ESRRG: variants seen among roughly 807,000 people sequenced by gnomAD.
ESRRG encodes estrogen related receptor gamma.
Under a neutral mutation model 44.0 loss-of-function variants are expected in ESRRG, and 13 were observed. The ratio of observed to expected loss-of-function variants is 0.30; its 90% confidence interval spans 0.19 to 0.47. ESRRG has a LOEUF of 0.47. Ranked by LOEUF, ESRRG falls within the 20% of genes least tolerant of loss-of-function variation. The pLI is 1.00. For synonymous variants in ESRRG, 215 were observed against 214.6 expected (o/e 1.00, Z -0.02); for missense variants, 395 against 580.6 (o/e 0.68, Z 3.29).
intron 1 of ESRRG, among the ~76,000 whole-genome samples, chr1:217,074,069 A>G: frequency 1.4e-5 from 2 of 142,188 alleles, no homozygotes; most frequent in African/African-American, 5.3e-5. Flanking sequence ...TTTTTTTGAG[A>G]CAGAGTCTCA....
chr1:216,839,605 T>C (rs1201157339), intron 2 of ESRRG, among the ~76,000 whole-genome samples: 1 of 152,204 alleles, frequency 6.6e-6, no homozygotes, highest in Non-Finnish European at 1.5e-5. Context: ...AATTATTTCT[T>C]GATTTATGAG....
chr1:216,873,952 T>C (rs1317159251), intron 2 of ESRRG, among the ~76,000 whole-genome samples: 1 of 18,898 alleles, frequency 5.3e-5, no homozygotes, highest in Non-Finnish European at 1.1e-4. Flanking sequence ...GGAAGGGGAG[T>C]GGGGGAAGAG....
rs538877510 is a variant in ESRRG, at chr1:216,786,927, C to A, written c.-13-109436G>T. Among the ~76,000 whole-genome samples, 3 of 152,194 alleles carry A rather than the reference C, an allele frequency of 2.0e-5. 1 individual carries two copies. The South Asian group carries it at 6.2e-4, about 32-fold the overall frequency. ...ACATAACATTTTAGTACGGGCATAC[C>A]TTGTTTTATTGCACTTCACTTTACA... On this transcript the variant is annotated intron_variant, in intron 2 of 7. Transcript: ENST00000359162.
chr1:216,564,051 T>A (rs1310954487), intron 5 of ESRRG, among the ~76,000 whole-genome samples, 168 bp downstream of exon 5: 1 of 152,212 alleles, frequency 6.6e-6, no homozygotes, highest in Non-Finnish European at 1.5e-5. Context: ...TAATATAAAG[T>A]CTAAGGATTC....
chr1:217,123,191 C>T (rs1469580995), intron 1 of ESRRG, among the ~76,000 whole-genome samples: 4 of 152,068 alleles, frequency 2.6e-5, no homozygotes, highest in Non-Finnish European at 5.9e-5. Flanking sequence ...ATATTCTGCT[C>T]TGTTTCTCGT....
At chr1:216,967,751 CA>C (rs1260176765) in intron 1 of ESRRG, among the ~76,000 whole-genome samples, 1 of 152,036 alleles carries the variant, frequency 6.6e-6, no homozygotes, top group Non-Finnish European at 1.5e-5. Flanking sequence ...AGGTAAAAAC[CA>C]AGGAACATGA....
chr1:216,925,606 G>GT (rs2062439606), intron 2 of ESRRG, among the ~76,000 whole-genome samples: 2 of 151,592 alleles, frequency 1.3e-5, no homozygotes, highest in Admixed American at 1.3e-4. Context: ...TTGGGTTTTT[G>GT]TTTTTTTGGG....
intron 4 of ESRRG, among the ~76,000 whole-genome samples, 199 bp downstream of exon 4, chr1:216,567,789 A>T (rs554139675): frequency 6.6e-6 from 1 of 152,322 alleles, no homozygotes; most frequent in South Asian, 2.1e-4. Context: ...AACCACAGAT[A>T]TCTCTAAAAG....
chr1:216,851,328 C>T (rs1459464093), intron 2 of ESRRG, among the ~76,000 whole-genome samples: 1 of 152,036 alleles, frequency 6.6e-6, no homozygotes, highest in African/African-American at 2.4e-5. Flanking sequence ...ATCTAAGTTA[C>T]TTTTGAAACA....
At chr1:216,912,898 G>C (rs974339569) in intron 2 of ESRRG, among the ~76,000 whole-genome samples, 2 of 151,890 alleles carry the variant, frequency 1.3e-5, no homozygotes, top group Non-Finnish European at 2.9e-5. Flanking sequence ...GAGGTGGGTG[G>C]ATCACTTGAG....
chr1:216,667,638 A>G, intron 2 of ESRRG, among the ~76,000 whole-genome samples: 1 of 147,052 alleles, frequency 6.8e-6, no homozygotes, highest in Non-Finnish European at 1.5e-5. Context: ...GTAAGCCAAG[A>G]TCACCCCATT....
chr1:216,961,561 A>ATTT (rs35113256), intron 1 of ESRRG, among the ~76,000 whole-genome samples: 3 of 131,970 alleles, frequency 2.3e-5, no homozygotes, highest in Admixed American at 7.6e-5. Flanking sequence ...ATTTACTCTT[A>ATTT]TTTTTTTTTT....
intron 1 of ESRRG, among the ~76,000 whole-genome samples, chr1:216,686,841 G>A (rs984500766): frequency 2.6e-5 from 4 of 152,078 alleles, no homozygotes; most frequent in Admixed American, 1.3e-4. Flanking sequence ...TACGTGTTTC[G>A]TAAACAACTT....
chr1:216,975,461 A>G (rs2072677872), intron 1 of ESRRG, among the ~76,000 whole-genome samples: 1 of 152,234 alleles, frequency 6.6e-6, no homozygotes, highest in South Asian at 2.1e-4. Context: ...AACAGGAGCC[A>G]TAAATTCTTC....
rs115705683 is a variant in ESRRG at position 216,986,244 on chromosome 1, G to T, written c.-105-46571C>A. On this transcript the variant is annotated intron_variant, in intron 1 of 7. Transcript: ENST00000359162. ...GGGTTTCATAGTTTATATTTAGGTGGCTCACAATCACATATACTTAAATTA... is the reference window on the plus strand; with the variant it reads ...GGGTTTCATAGTTTATATTTAGGTGTCTCACAATCACATATACTTAAATTA... Among the ~76,000 whole-genome samples, 783 of 152,220 alleles carry T rather than the reference G, an allele frequency of 5.1e-3. 4 individuals carry two copies. Among genetic ancestry groups the T allele is most frequent in the Middle Eastern group, 0.017 (5 of 292 alleles).
chr1:217,018,028 T>TA (rs1241995209), intron 1 of ESRRG, among the ~76,000 whole-genome samples: 2 of 152,178 alleles, frequency 1.3e-5, no homozygotes, highest in African/African-American at 4.8e-5. Context: ...AATTTAAAAA[T>TA]AAAAACCAAC....
At position 216,931,526 on chromosome 1, in the gene ESRRG, C is replaced by T. The variant is rs373766549; in HGVS notation, c.-14+8056G>A. Among the ~76,000 whole-genome samples the T allele has an allele frequency of 5.1e-4, 78 of 152,200 alleles. 1 individual carries two copies. The highest frequency in any genetic ancestry group is 1.8e-3 in the African/African-American group (76 of 41,536). ...CCTGGAAATCTTCCCACCCCTGCTG[C>T]CTCAGCCTTAGAGGTTCAGCTGGGA... On this transcript the variant is annotated intron_variant, in intron 2 of 7. Coordinates refer to the ESRRG transcript ENST00000359162.
chr1:216,573,412 C>T (rs997138687), intron 3 of ESRRG, among the ~76,000 whole-genome samples: 12 of 151,784 alleles, frequency 7.9e-5, no homozygotes, highest in African/African-American at 2.9e-4. Flanking sequence ...AGTATATCCT[C>T]CATGATGTTT....
At chr1:217,085,449 AT>A (rs199717375) in intron 1 of ESRRG, among the ~76,000 whole-genome samples, 2,104 of 109,860 alleles carry the variant, frequency 0.019, 59 homozygotes, top group African/African-American at 0.072. Flanking sequence ...CTGGAGAAAG[AT>A]TTTTTTTTTC....
Sources: allele counts gnomAD v4.1 joint callset (sites outside exome capture counted in the v4.1 genomes callset), GRCh38; gene constraint gnomAD v4.1.1; transcripts MANE v1.5; gene names NCBI Gene and HGNC (gene_info 2026-07-23, HGNC 2026-07-21).